ANKS1B: variants seen among roughly 807,000 people sequenced by gnomAD.
ANKS1B encodes the protein ankyrin repeat and sterile alpha motif domain-containing protein 1B.
A neutral mutation model predicts 148.3 loss-of-function variants in ANKS1B; 36 were observed. The observed-to-expected ratio is 0.24, with a 90% CI of 0.19 to 0.32. ANKS1B has a LOEUF of 0.32. Among genes scored for constraint, ANKS1B ranks in the 10% least tolerant of loss-of-function variants. The pLI is 1.00. For synonymous variants in ANKS1B, 542 were observed against 560.8 expected (o/e 0.97, Z 0.47); for missense variants, 1,157 against 1,542.6 (o/e 0.75, Z 4.19).
chr12:99,982,333 T>TA (rs35728993), intron 1 of ANKS1B, among the ~76,000 whole-genome samples: 20,184 of 144,474 alleles, frequency 0.14, 2,154 homozygotes, highest in East Asian at 0.56. Context: ...ATCTATTCTT[T>TA]AAAAAAAAAA....
intron 9 of ANKS1B, among the ~76,000 whole-genome samples, chr12:99,653,678 C>CTT (rs199988255): frequency 1.4e-4 from 16 of 113,572 alleles, no homozygotes; most frequent in African/African-American, 2.3e-4. Context: ...TTCTTTCTTT[C>CTT]TTTTTTTTTT....
At chr12:98,773,017 CT>C in intron 25 of ANKS1B, 24 bp downstream of exon 25, 2 of 1,613,466 alleles carry the variant, frequency 1.2e-6, no homozygotes, top group Non-Finnish European at 1.7e-6. Context: ...AGTCTTTAAT[CT>C]GTTGAAAGGG....
chr12:99,324,830 T>C (rs1449603654), intron 12 of ANKS1B, among the ~76,000 whole-genome samples: 1 of 152,118 alleles, frequency 6.6e-6, no homozygotes, highest in Non-Finnish European at 1.5e-5. Flanking sequence ...CACAGAAATT[T>C]AGAGTTGAAA....
chr12:99,842,337 T>G (rs2085880983), intron 1 of ANKS1B, among the ~76,000 whole-genome samples: 1 of 152,168 alleles, frequency 6.6e-6, no homozygotes, highest in Non-Finnish European at 1.5e-5. Flanking sequence ...ATTTAGAATT[T>G]TTTTGAAAAC....
intron 14 of ANKS1B, among the ~76,000 whole-genome samples, chr12:99,241,763 T>C (rs1473239723): frequency 6.6e-6 from 1 of 152,222 alleles, no homozygotes; most frequent in Admixed American, 6.5e-5. Flanking sequence ...TCAATAAATG[T>C]AATCCATCAC....
At chr12:99,024,067 C>G (rs1473669002) in intron 17 of ANKS1B, among the ~76,000 whole-genome samples, 2 of 151,720 alleles carry the variant, frequency 1.3e-5, no homozygotes, top group East Asian at 3.9e-4. Context: ...TCATGGCACA[C>G]TATTGTTATC....
intron 1 of ANKS1B, among the ~76,000 whole-genome samples, chr12:99,941,829 C>G (rs2094927500): frequency 6.6e-6 from 1 of 152,264 alleles, no homozygotes; most frequent in East Asian, 1.9e-4. Flanking sequence ...GTCAATGCCT[C>G]TCTTAAATTT....
At chr12:99,845,919 T>C (rs1411222039) in intron 1 of ANKS1B, among the ~76,000 whole-genome samples, 1 of 152,104 alleles carries the variant, frequency 6.6e-6, no homozygotes, top group Non-Finnish European at 1.5e-5. Flanking sequence ...TTTAAGTTTT[T>C]CAGTTAAGCA....
chr12:98,750,833 G>A (rs892306578), intron 26 of ANKS1B, among the ~76,000 whole-genome samples: 2 of 152,232 alleles, frequency 1.3e-5, no homozygotes, highest in African/African-American at 2.4e-5. Context: ...GCACCATGCC[G>A]CAGGAAGCCT....
intron 25 of ANKS1B, among the ~76,000 whole-genome samples, chr12:98,762,478 G>A (rs543602593): frequency 4.6e-5 from 7 of 152,260 alleles, no homozygotes; most frequent in South Asian, 4.1e-4. Context: ...CACCACCAAC[G>A]GGCTGCCCTT....
At chr12:99,497,618 C>T (rs1346931852) in intron 10 of ANKS1B, among the ~76,000 whole-genome samples, 1 of 152,122 alleles carries the variant, frequency 6.6e-6, no homozygotes, top group Admixed American at 6.5e-5. Flanking sequence ...AATAAGGATA[C>T]TGGTCATATT....
chr12:99,589,931 C>A (rs1181785964), intron 9 of ANKS1B, among the ~76,000 whole-genome samples: 2 of 151,906 alleles, frequency 1.3e-5, no homozygotes, highest in African/African-American at 2.4e-5. Flanking sequence ...ATCACTTGTA[C>A]CCCATAAATA....
intron 17 of ANKS1B, among the ~76,000 whole-genome samples, chr12:98,916,388 C>A (rs866478704): frequency 6.6e-6 from 1 of 152,300 alleles, no homozygotes; most frequent in South Asian, 2.1e-4. Context: ...CTGACAGCCA[C>A]GTTTAAGGAG....
chr12:99,168,272 T>A (rs967251617), intron 14 of ANKS1B, among the ~76,000 whole-genome samples: 23 of 152,172 alleles, frequency 1.5e-4, no homozygotes, highest in African/African-American at 5.5e-4. Context: ...ATCCCAGCAC[T>A]TTGGGAGGCT....
intron 14 of ANKS1B, among the ~76,000 whole-genome samples, chr12:99,197,133 T>C (rs778709292): frequency 3.9e-5 from 6 of 152,064 alleles, no homozygotes; most frequent in Non-Finnish European, 5.9e-5. Context: ...CGGAGAGATA[T>C]TGTACTATGA....
At chr12:99,667,551 TC>T (rs1397618609) in intron 8 of ANKS1B, among the ~76,000 whole-genome samples, 1 of 152,202 alleles carries the variant, frequency 6.6e-6, no homozygotes, top group Non-Finnish European at 1.5e-5. Flanking sequence ...GTTTTACTTT[TC>T]TCTTTAAAAT....
chr12:99,152,077 T>C (rs2075084299), intron 15 of ANKS1B, among the ~76,000 whole-genome samples: 1 of 152,158 alleles, frequency 6.6e-6, no homozygotes, highest in African/African-American at 2.4e-5. Flanking sequence ...ATATGTTTCT[T>C]AGAGCAAGCC....
intron 17 of ANKS1B, among the ~76,000 whole-genome samples, chr12:99,051,482 G>A (rs1043036619): frequency 2.6e-5 from 4 of 152,216 alleles, no homozygotes; most frequent in African/African-American, 9.6e-5. Flanking sequence ...TAAGTTGGAA[G>A]ATTGTTTGGT....
Position 99,567,226 on chromosome 12 carries a change from G to C in ANKS1B, c.1273-62585C>G, listed in dbSNP as rs542168386. Reference sequence around the variant, plus strand: ...TATAAGCTGCCTCTCTCCATAGGCAGTTTACAAAATGATTCTTTGCTTTCT... The same window carrying C: ...TATAAGCTGCCTCTCTCCATAGGCACTTTACAAAATGATTCTTTGCTTTCT... On this transcript the variant is annotated intron_variant, in intron 9 of 26. Transcript: ENST00000683438. Among the ~76,000 whole-genome samples the C allele has an allele frequency of 9.1e-4, 139 of 152,256 alleles. 7 individuals are homozygous for C. In the South Asian group the frequency reaches 0.028, roughly 31 times the overall value.
Sources: allele counts gnomAD v4.1 joint callset (sites outside exome capture counted in the v4.1 genomes callset), GRCh38; gene constraint gnomAD v4.1.1; transcripts MANE v1.5; gene names NCBI Gene and HGNC (gene_info 2026-07-23, HGNC 2026-07-21).